Variants in ADGRG3 observed in about 807,000 individuals in gnomAD.
The protein encoded by ADGRG3 is G protein-coupled receptor 97.
ADGRG3 carries 39 observed loss-of-function variants against 54.3 expected under a neutral mutation model. The observed-to-expected ratio is 0.72, with a 90% CI of 0.56 to 0.94. The LOEUF is 0.94. ADGRG3 is among the 40% of genes least tolerant of loss of function. The pLI is 0.00. For synonymous variants in ADGRG3, 312 were observed against 290.0 expected (o/e 1.08, Z -0.77); for missense variants, 654 against 694.6 (o/e 0.94, Z 0.66).
At chr16:57,686,048 T>A in intron 11 of ADGRG3, 122 bp downstream of exon 11, 1 of 1,018,194 alleles carries the variant, frequency 9.8e-7, no homozygotes, top group Non-Finnish European at 1.5e-6. Flanking sequence ...AAGTCAAGGA[T>A]GTTGATTTCA....
intron 8 of ADGRG3, chr16:57,682,606 G>C: frequency 2.0e-6 from 2 of 985,472 alleles, no homozygotes; most frequent in Non-Finnish European, 2.4e-6. Context: ...AGCTCCCCAG[G>C]GTGGGGCCTG....
intron 11 of ADGRG3, among the ~76,000 whole-genome samples, chr16:57,688,101 CTCTT>C (rs774748690): frequency 2.0e-5 from 3 of 152,108 alleles, no homozygotes; most frequent in Non-Finnish European, 4.4e-5. Flanking sequence ...CTCTATTTTG[CTCTT>C]TCTTTTCTGT....
intron 4 of ADGRG3, chr16:57,678,954 G>A (rs1279051466): frequency 8.5e-6 from 5 of 587,004 alleles, no homozygotes; most frequent in African/African-American, 7.5e-5. Context: ...GCTGTCAGGT[G>A]CACAGCTTTG....
chr16:57,681,707 C>T (rs1311773607), intron 8 of ADGRG3, among the ~76,000 whole-genome samples: 5 of 73,416 alleles, frequency 6.8e-5, no homozygotes, highest in African/African-American at 2.9e-4. Flanking sequence ...GCCTGGACAA[C>T]AAGTGCAAAA....
At chr16:57,682,759 G>C in intron 8 of ADGRG3, 1 of 472,180 alleles carries the variant, frequency 2.1e-6, no homozygotes, top group Non-Finnish European at 2.8e-6. Context: ...AGCCTGGTGA[G>C]TCACTGGACA....
chr16:57,670,636 C>T (rs1337538602), intron 1 of ADGRG3, among the ~76,000 whole-genome samples: 2 of 152,148 alleles, frequency 1.3e-5, no homozygotes, highest in African/African-American at 4.8e-5. Flanking sequence ...CTATCATTTT[C>T]ATTTCCCATT....
In ADGRG3 at chr16:57,688,441, C is replaced by T. The variant is rs1200964409; in HGVS notation, c.1630C>T (p.His544Tyr). Reference sequence around the variant, plus strand: ...CTCTACTGCAAGATTGGACCAGGCCCACTCCGCATCTCAAGAATAGGAAGG... The same window carrying T: ...CTCTACTGCAAGATTGGACCAGGCCTACTCCGCATCTCAAGAATAGGAAGG... Reference protein sequence around the residue: ...SSSTARLDQAHSASQE With the variant: ...SSSTARLDQAYSASQE The change falls in exon 12 of 12, where the codon CAC (histidine) becomes TAC (tyrosine). Residue 544 changes from histidine to tyrosine, a missense_variant. By Grantham distance (83) the His-to-Tyr change is moderately conservative. Transcript: ENST00000333493. 6.2e-7 allele frequency: 1 copy of T among 1,606,206 alleles called. No homozygotes were observed. Among genetic ancestry groups the T allele is most frequent in the Non-Finnish European group, 8.5e-7 (1 of 1,172,910 alleles).
At chr16:57,672,474 C>T (rs1322896167) in intron 1 of ADGRG3, among the ~76,000 whole-genome samples, 2 of 152,216 alleles carry the variant, frequency 1.3e-5, no homozygotes, top group Non-Finnish European at 2.9e-5. Flanking sequence ...AGATGGTAAA[C>T]TCTTTGAACA....
At chr16:57,675,013 AGCAGCAGC>A (rs1352913545) in intron 2 of ADGRG3, among the ~76,000 whole-genome samples, 23 of 42,808 alleles carry the variant, frequency 5.4e-4, no homozygotes, top group Non-Finnish European at 1.6e-3. Flanking sequence ...AAAAAAAAAA[AGCAGCAGC>A]AGCAGCAGCA....
chr16:57,682,988 A>G (rs2048402277), intron 8 of ADGRG3, among the ~76,000 whole-genome samples: 1 of 152,246 alleles, frequency 6.6e-6, no homozygotes, highest in South Asian at 2.1e-4. Context: ...GAGTTACACT[A>G]TGCTGCTGGG....
At position 57,678,563 on chromosome 16, in the gene ADGRG3, C is replaced by CT. The variant is rs1392990335; in HGVS notation, c.492+248dup. 1.1e-5 allele frequency: 6 copies of CT among 553,800 alleles called. No homozygotes were observed. In the African/African-American group the frequency reaches 1.1e-4, roughly 10 times the overall value. 34.3% of individuals were successfully genotyped at this position (553,800 alleles called of 1,614,324 possible). A position where few individuals can be genotyped will look rare whatever the true frequency, so the allele number is the denominator to read the frequency against. On this transcript the variant is annotated intron_variant, in intron 4 of 11. Coordinates refer to ENST00000333493, the MANE Select transcript of ADGRG3 (RefSeq NM_170776.5). ...CACACATGAGTGCCCTTTGGCTTGT[C>CT]TATGTGTCCTGTGGGTGCTCGTGTG...
chr16:57,679,961 C>T (rs1402190054), intron 6 of ADGRG3, 106 bp downstream of exon 6: 1 of 787,688 alleles, frequency 1.3e-6, no homozygotes, highest in Non-Finnish European at 2.2e-6. Flanking sequence ...CTGCCTTCCT[C>T]TCCCCTCCCC....
At chr16:57,686,157 A>G (rs570370761) in intron 11 of ADGRG3, among the ~76,000 whole-genome samples, 10 of 152,318 alleles carry the variant, frequency 6.6e-5, no homozygotes, top group African/African-American at 2.4e-4. Flanking sequence ...TGGGTAATTT[A>G]TAAAGAAAAT....
intron 1 of ADGRG3, among the ~76,000 whole-genome samples, chr16:57,669,694 GCATT>G (rs150185008): frequency 0.095 from 14,404 of 152,092 alleles, 736 homozygotes; most frequent in South Asian, 0.13. Context: ...CTCCATTTGC[GCATT>G]CATTCATTCA....
upstream of ADGRG3, chr16:57,668,275 C>A: frequency 1.5e-6 from 2 of 1,305,028 alleles, no homozygotes; most frequent in Non-Finnish European, 2.1e-6. Flanking sequence ...TGGGGGCAGG[C>A]CAGCTCAGCA....
In ADGRG3 at chr16:57,685,791, C is replaced by T. The variant is rs370424121; in HGVS notation, c.1405C>T (p.Arg469Trp). 1.8e-5 allele frequency: 29 copies of T among 1,614,048 alleles called. No homozygotes were observed. The highest frequency in any genetic ancestry group is 6.7e-5 in the East Asian group (3 of 44,892). The change falls in exon 11 of 12, where the codon CGG becomes TGG. Residue 469 changes from arginine (R) to tryptophan (W), a missense_variant. By Grantham distance (101) the Arg-to-Trp change is moderately radical. Coordinates refer to ENST00000333493, the MANE Select transcript of ADGRG3 (RefSeq NM_170776.5). Reference sequence around the variant, plus strand: ...GTCCCGTGCTACAGCGGTCAAGGAGCGGGGGAAGAACCGGAAGAAGGTGCT... The same window carrying T: ...GTCCCGTGCTACAGCGGTCAAGGAGTGGGGGAAGAACCGGAAGAAGGTGCT... ...TLSRATAVKERGKNRKKVLTL... is the reference protein window; with the variant it reads ...TLSRATAVKEWGKNRKKVLTL...
At position 57,685,682 on chromosome 16, in the gene ADGRG3, T is replaced by C; in HGVS notation, c.1296T>C (p.Tyr432=). 6.2e-7 allele frequency: 1 copy of C among 1,614,208 alleles called. No homozygotes were observed. Among genetic ancestry groups the C allele is most frequent in the Non-Finnish European group, 8.5e-7 (1 of 1,180,032 alleles). Residue 432 remains tyrosine, a synonymous_variant, in exon 11 of 12, where the codon TAT becomes TAC. Transcript: ENST00000333493. ...AAGGGACAACCATGTACGCCCTCTA[T>C]ATCACCGTCCACGGCTACTTCCTCA... The part of the protein sequence containing the change: ...FREGTTMYAL[Y]ITVHGYFLIT...
chr16:57,686,759 G>A (rs976962349), intron 11 of ADGRG3: 19 of 152,288 alleles, frequency 1.2e-4, no homozygotes, highest in Middle Eastern at 6.8e-3. Flanking sequence ...AATCAGCTGC[G>A]ACCAGAAGGG....
chr16:57,678,859 G>C, intron 4 of ADGRG3: 1 of 418,090 alleles, frequency 2.4e-6, no homozygotes, highest in Non-Finnish European at 4.4e-6. Flanking sequence ...TATCCTCCCC[G>C]CTGACTTCCA....
Sources: gnomAD v4.1 joint callset for allele counts (sites outside exome capture counted in the v4.1 genomes callset) on GRCh38, gnomAD v4.1.1 for gene constraint, MANE v1.5 for transcripts, NCBI Gene and HGNC (gene_info 2026-07-23, HGNC 2026-07-21) for gene names.